RAPGEF6: variants seen among roughly 807,000 people sequenced by gnomAD.
RAPGEF6 encodes the protein Rap guanine nucleotide exchange factor 6.
In RAPGEF6, 56 loss-of-function variants were observed where a neutral mutation model predicts 171.4. That is an observed-to-expected ratio of 0.33 (90% CI 0.26 to 0.41). The LOEUF (loss-of-function observed/expected upper bound fraction) is 0.41. RAPGEF6 is among the 10% of genes least tolerant of loss of function. The pLI, the probability that RAPGEF6 is intolerant of heterozygous loss-of-function variation, is 1.00. For synonymous variants in RAPGEF6, 692 were observed against 650.1 expected (o/e 1.06, Z -0.98); for missense variants, 1,674 against 1,921.4 (o/e 0.87, Z 2.41).
At chr5:131,560,963 T>C (rs1761560312) in intron 5 of RAPGEF6, among the ~76,000 whole-genome samples, 1 of 152,206 alleles carries the variant, frequency 6.6e-6, no homozygotes, top group Non-Finnish European at 1.5e-5. Flanking sequence ...GAATTCAATT[T>C]CTCTTCTTGA....
chr5:131,476,160 C>T (rs1466059813), intron 16 of RAPGEF6, among the ~76,000 whole-genome samples: 1 of 152,116 alleles, frequency 6.6e-6, no homozygotes, highest in East Asian at 1.9e-4. Context: ...TTTATTTAAC[C>T]AATCCTTGTA....
intron 24 of RAPGEF6, 68 bp downstream of exon 24, chr5:131,439,513 A>G (rs1056840889): frequency 6.7e-7 from 1 of 1,497,348 alleles, no homozygotes; most frequent in African/African-American, 1.4e-5. Flanking sequence ...TATAGATTGA[A>G]AAGCAAAATA....
intron 15 of RAPGEF6, among the ~76,000 whole-genome samples, chr5:131,484,950 C>CAGAGT (rs1349439910): frequency 6.6e-6 from 1 of 152,106 alleles, no homozygotes; most frequent in Non-Finnish European, 1.5e-5. Flanking sequence ...GGTTTAGAGA[C>CAGAGT]AGAGTCTTGC....
At chr5:131,592,245 G>A (rs1763635635) in intron 4 of RAPGEF6, 138 bp downstream of exon 4, 2 of 1,370,748 alleles carry the variant, frequency 1.5e-6, no homozygotes, top group Non-Finnish European at 9.7e-7. Context: ...AAGATTAACT[G>A]ATTCCTGCCA....
At chr5:131,587,759 G>T (rs934296554) in intron 4 of RAPGEF6, among the ~76,000 whole-genome samples, 2 of 152,098 alleles carry the variant, frequency 1.3e-5, no homozygotes, top group African/African-American at 4.8e-5. Context: ...ATAGAAAGTA[G>T]AACTCCTCTT....
At position 131,464,159 on chromosome 5, in the gene RAPGEF6, C is replaced by G; in HGVS notation, c.2362G>C (p.Gly788Arg). 4.3e-6 allele frequency: 7 copies of G among 1,613,972 alleles called. No individual in the cohort carries two copies. The highest frequency in any genetic ancestry group is 5.9e-6 in the Non-Finnish European group (7 of 1,179,928). The change falls in exon 18 of 28, where the codon GGT becomes CGT. Residue 788 changes from glycine to arginine, a missense_variant. Physicochemically the swap from Gly to Arg is moderately radical, Grantham distance 125. Coordinates refer to ENST00000509018, the MANE Select transcript of RAPGEF6 (RefSeq NM_016340.6). ...FHAVHEFGLT[G>R]ASDTYSLCEV... ...CAGAGAGAATATGTGTCGGATGCAC[C>G]GGTCAAACCAAATTCATGAACAGCA...
chr5:131,570,848 A>G (rs1762234781), intron 4 of RAPGEF6, among the ~76,000 whole-genome samples: 1 of 152,114 alleles, frequency 6.6e-6, no homozygotes, highest in African/African-American at 2.4e-5. Context: ...GGGCAACCAG[A>G]TAAAGGTCAT....
At chr5:131,588,596 A>C (rs544319005) in intron 4 of RAPGEF6, among the ~76,000 whole-genome samples, 2 of 151,078 alleles carry the variant, frequency 1.3e-5, no homozygotes, top group Admixed American at 6.6e-5. Flanking sequence ...TACAAAAATT[A>C]GCCAGGTGTG....
intron 4 of RAPGEF6, among the ~76,000 whole-genome samples, chr5:131,590,473 A>C (rs560111157): frequency 9.2e-5 from 14 of 152,202 alleles, no homozygotes; most frequent in Non-Finnish European, 1.8e-4. Context: ...CTGACTGAAG[A>C]AGCCAAAAAT....
intron 7 of RAPGEF6, among the ~76,000 whole-genome samples, chr5:131,511,732 C>G (rs1296134446): frequency 6.6e-6 from 1 of 152,088 alleles, no homozygotes; most frequent in Non-Finnish European, 1.5e-5. Context: ...AACTCCTGGG[C>G]TCATGTGATC....
intron 4 of RAPGEF6, among the ~76,000 whole-genome samples, chr5:131,564,777 A>G (rs561751905): frequency 6.6e-6 from 1 of 152,372 alleles, no homozygotes; most frequent in African/African-American, 2.4e-5. Flanking sequence ...TAAAGAAAGT[A>G]ACGATAAATA....
intron 17 of RAPGEF6, among the ~76,000 whole-genome samples, chr5:131,465,063 T>C (rs552735580): frequency 2.6e-5 from 4 of 152,338 alleles, no homozygotes; most frequent in African/African-American, 9.6e-5. Context: ...TTATGTCTTT[T>C]TAAAAATATT....
intron 4 of RAPGEF6, among the ~76,000 whole-genome samples, chr5:131,568,014 A>G (rs1162640728): frequency 6.6e-6 from 1 of 152,184 alleles, no homozygotes. Context: ...TCTCTCATGA[A>G]TATAGTTTGC....
intron 6 of RAPGEF6, among the ~76,000 whole-genome samples, chr5:131,523,426 C>A (rs998380323): frequency 6.6e-6 from 1 of 150,590 alleles, no homozygotes; most frequent in African/African-American, 2.4e-5. Context: ...AAATACAAGA[C>A]TAACAATATC....
intron 4 of RAPGEF6, among the ~76,000 whole-genome samples, chr5:131,588,749 C>A (rs568198269): frequency 1.5e-3 from 221 of 151,482 alleles, no homozygotes; most frequent in Non-Finnish European, 2.5e-3. Flanking sequence ...TCTTAAAAAA[C>A]AACAACAACA....
At chr5:131,564,912 G>A (rs186057530) in intron 4 of RAPGEF6, among the ~76,000 whole-genome samples, 8 of 152,184 alleles carry the variant, frequency 5.3e-5, no homozygotes, top group African/African-American at 1.9e-4. Flanking sequence ...GCTTCAGACA[G>A]TGTCAACTTG....
At chr5:131,463,886 T>G in intron 18 of RAPGEF6, 155 bp downstream of exon 18, 1 of 1,372,924 alleles carries the variant, frequency 7.3e-7, no homozygotes, top group Non-Finnish European at 9.4e-7. Context: ...AGAGTTTATT[T>G]TAGCAGGAGT....
intron 6 of RAPGEF6, among the ~76,000 whole-genome samples, chr5:131,533,746 C>G (rs779782150): frequency 2.0e-5 from 3 of 152,038 alleles, no homozygotes; most frequent in Non-Finnish European, 4.4e-5. Flanking sequence ...ATGGTACTTT[C>G]CTGTAGCCCA....
intron 9 of RAPGEF6, among the ~76,000 whole-genome samples, chr5:131,507,582 T>C (rs1033749329): frequency 5.9e-5 from 9 of 152,140 alleles, no homozygotes; most frequent in African/African-American, 7.2e-5. Flanking sequence ...TTTTTGAACA[T>C]AGAATTGTCA....
Sources: gnomAD v4.1 joint callset for allele counts (sites outside exome capture counted in the v4.1 genomes callset) on GRCh38, gnomAD v4.1.1 for gene constraint, MANE v1.5 for transcripts, NCBI Gene and HGNC (gene_info 2026-07-23, HGNC 2026-07-21) for gene names.